ZFP69B: variants seen among roughly 807,000 people sequenced by gnomAD.
The protein encoded by ZFP69B is zinc finger protein 69 homolog B.
Under a neutral mutation model 19.7 loss-of-function variants are expected in ZFP69B, and 20 were observed. The observed-to-expected ratio is 1.02, with a 90% CI of 0.71 to 1.48. The LOEUF is 1.48. ZFP69B is among the 40% of genes most tolerant of loss of function. ZFP69B has a pLI of 0.00. For missense variants in ZFP69B, 583 were observed against 632.6 expected, an observed-to-expected ratio of 0.92 and a Z score of 0.84; for synonymous variants, 220 against 222.7, an observed-to-expected ratio of 0.99 and a Z score of 0.11.
At chr1:40,457,739 C>T (rs576284587) in intron 4 of ZFP69B, among the ~76,000 whole-genome samples, 3 of 152,298 alleles carry the variant, frequency 2.0e-5, no homozygotes, top group African/African-American at 7.2e-5. Flanking sequence ...AGTTTCTTTC[C>T]CATGTACATT....
chr1:40,454,485 G>A (rs909166993), intron 2 of ZFP69B, among the ~76,000 whole-genome samples, 197 bp downstream of exon 2: 5 of 151,840 alleles, frequency 3.3e-5, no homozygotes, highest in Admixed American at 6.6e-5. Flanking sequence ...TGCAAGCTCC[G>A]TCTCCTGGGT....
chr1:40,452,901 A>G (rs1256150486), intron 1 of ZFP69B, among the ~76,000 whole-genome samples: 1 of 152,016 alleles, frequency 6.6e-6, no homozygotes, highest in Non-Finnish European at 1.5e-5. Flanking sequence ...GTGGATGTAT[A>G]GATGTTCAAT....
In ZFP69B at chr1:40,454,199, C is replaced by T. The variant is rs563225302; in HGVS notation, c.128-4C>T. On this transcript the variant is annotated splice_polypyrimidine_tract_variant and splice_region_variant and intron_variant, in intron 1 of 4. Coordinates refer to ENST00000361584, the MANE Select transcript of ZFP69B (RefSeq NM_023070.3). ...CAAACCTCATGGCTCTTTTCCTTCC[C>T]CAGCTCTGCTGTCTCAGGATGCTGA... The T allele has an allele frequency of 2.6e-5, 42 of 1,592,100 alleles. No individual in the cohort carries two copies. Among genetic ancestry groups the T allele is most frequent in the Middle Eastern group, 3.4e-4 (2 of 5,944 alleles).
intron 4 of ZFP69B, among the ~76,000 whole-genome samples, chr1:40,457,689 T>G (rs1645246767): frequency 6.6e-6 from 1 of 152,238 alleles, no homozygotes; most frequent in Non-Finnish European, 1.5e-5. Flanking sequence ...TTCATGATTT[T>G]TACCTCTTTC....
intron 2 of ZFP69B, among the ~76,000 whole-genome samples, chr1:40,456,625 C>T (rs1233499728): frequency 2.0e-5 from 3 of 152,196 alleles, no homozygotes; most frequent in Admixed American, 1.3e-4. Flanking sequence ...GTGGCCTTAG[C>T]CCCTTCTGAA....
intron 4 of ZFP69B, among the ~76,000 whole-genome samples, chr1:40,457,789 T>C (rs1241317235): frequency 6.6e-6 from 1 of 152,216 alleles, no homozygotes; most frequent in Admixed American, 6.5e-5. Flanking sequence ...CACAGTCCAC[T>C]TCACTGGACT....
chr1:40,452,208 A>G (rs567599545), intron 1 of ZFP69B, among the ~76,000 whole-genome samples: 1 of 152,306 alleles, frequency 6.6e-6, no homozygotes, highest in South Asian at 2.1e-4. Context: ...GTTAATGGGG[A>G]ACAGATACTC....
rs373998803 is a variant in ZFP69B at position 40,463,160 on chromosome 1, A to T, written c.1176A>T (p.Thr392=). Residue 392 remains threonine, a synonymous_variant, in exon 5 of 5, where the codon ACA becomes ACT. Transcript: ENST00000361584. ...LRTHVREKPF[T]CKDCGKAFFQ... is the part of the protein sequence containing the mutation. ...CTCATGTTAGAGAGAAACCTTTTAC[A>T]TGCAAAGACTGTGGAAAAGCGTTTT... is the stretch of plus-strand genomic sequence containing the variant. 2 of 1,614,196 alleles carry T rather than the reference A, an allele frequency of 1.2e-6. No individual in the cohort carries two copies. Among genetic ancestry groups the T allele is most frequent in the South Asian group, 2.2e-5 (2 of 91,082 alleles).
chr1:40,463,640 G>A lies in ZFP69B; in HGVS notation c.*51G>A. On this transcript the variant is annotated 3_prime_UTR_variant, in exon 5 of 5. Transcript: ENST00000361584. ...TGTTGGAGCACAAGATTCTAAATCA[G>A]TGGTTCCCTGATCCCTCAAAAATCC... 3 of 1,468,598 alleles carry A rather than the reference G, an allele frequency of 2.0e-6. No homozygotes were observed. Among genetic ancestry groups the A allele is most frequent in the Non-Finnish European group, 2.7e-6 (3 of 1,091,414 alleles). The allele number at this position is 1,468,598 out of a possible 1,614,324, so 91.0% of individuals were successfully genotyped here.
Position 40,462,420 on chromosome 1 carries a change from G to A in ZFP69B, c.437-1G>A, listed in dbSNP as rs1645294035. ...ATCTTTTTTTTTATTATTTCTTTCA[G>A]ACTTGAAGAGCAAAACAAAAACCAA... is the stretch of plus-strand genomic sequence containing the variant. On this transcript the variant is annotated splice_acceptor_variant, in intron 4 of 4. Coordinates refer to ENST00000361584, the MANE Select transcript of ZFP69B (RefSeq NM_023070.3). LOFTEE classifies it high-confidence loss of function. The A allele has an allele frequency of 2.5e-6, 4 of 1,573,446 alleles. No homozygotes were observed. Among genetic ancestry groups the A allele is most frequent in the Non-Finnish European group, 3.4e-6 (4 of 1,166,626 alleles).
At chr1:40,454,088 T>A in intron 1 of ZFP69B, 115 bp from the exon 2 acceptor site, 1 of 611,344 alleles carries the variant, frequency 1.6e-6, no homozygotes, top group East Asian at 3.2e-5. Context: ...TCCGTCTAAA[T>A]GTCCCTGTTT....
intron 4 of ZFP69B, among the ~76,000 whole-genome samples, chr1:40,460,526 C>T (rs950547592): frequency 2.6e-5 from 4 of 152,010 alleles, no homozygotes; most frequent in African/African-American, 9.7e-5. Context: ...ACTTAATGTA[C>T]AGATATAAAA....
chr1:40,457,767 C>G (rs1434206100), intron 4 of ZFP69B, among the ~76,000 whole-genome samples: 1 of 152,196 alleles, frequency 6.6e-6, no homozygotes, highest in African/African-American at 2.4e-5. Flanking sequence ...ACACAGGTCT[C>G]TCCTCATTAA....
intron 4 of ZFP69B, among the ~76,000 whole-genome samples, chr1:40,458,002 A>C (rs1057250294): frequency 3.3e-5 from 5 of 152,216 alleles, no homozygotes; most frequent in Non-Finnish European, 7.4e-5. Flanking sequence ...GGCTTTTAAC[A>C]GTCTTCTTTA....
chr1:40,457,430 C>A lies in ZFP69B; in HGVS notation c.427C>A (p.Pro143Thr). Residue 143 changes from proline (P) to threonine (T), a missense_variant, in exon 4 of 5, where the codon CCA (proline) becomes ACA (threonine). By Grantham distance (38) the Pro-to-Thr change is conservative (BLOSUM62 -1). Transcript: ENST00000361584. Reference protein sequence around the residue: ...WLMERDISGVPSSDLKSKTKT... With the variant: ...WLMERDISGVTSSDLKSKTKT... ...GATGGAGAGAGATATTTCAGGAGTT[C>A]CAAGTTCAGGTAAGTGCAAGGCAGG... The A allele has an allele frequency of 6.2e-7, 1 of 1,613,998 alleles. No individual in the cohort carries two copies. The highest frequency in any genetic ancestry group is 8.5e-7 in the Non-Finnish European group (1 of 1,179,968).
intron 2 of ZFP69B, among the ~76,000 whole-genome samples, chr1:40,455,675 G>T (rs1188217048): frequency 1.3e-5 from 2 of 152,002 alleles, no homozygotes; most frequent in Admixed American, 6.6e-5. Flanking sequence ...TGTTACATAG[G>T]TATACATGTG....
intron 4 of ZFP69B, among the ~76,000 whole-genome samples, chr1:40,459,716 C>A (rs549378901): frequency 6.6e-6 from 1 of 152,028 alleles, no homozygotes; most frequent in South Asian, 2.1e-4. Context: ...TTGTTTTTAC[C>A]TTAAAAAGAA....
At chr1:40,457,850 A>G (rs572326196) in intron 4 of ZFP69B, among the ~76,000 whole-genome samples, 1 of 152,256 alleles carries the variant, frequency 6.6e-6, no homozygotes, top group East Asian at 1.9e-4. Context: ...TTTCATTTTC[A>G]ATATTTTTCT....
rs1645177716 is a variant in ZFP69B at position 40,450,741 on chromosome 1, C to T, written c.-221C>T. Reference sequence around the variant, plus strand: ...GATGGAGCTCAAGTTGGGAGATACGCCCTGAGAGCCGATGATAGACACAAG... The same window carrying T: ...GATGGAGCTCAAGTTGGGAGATACGTCCTGAGAGCCGATGATAGACACAAG... On this transcript the variant is annotated 5_prime_UTR_variant, in exon 1 of 5. Coordinates refer to ENST00000361584, the MANE Select transcript of ZFP69B (RefSeq NM_023070.3). 2.9e-6 allele frequency: 1 copy of T among 349,690 alleles called. No homozygotes were observed. The highest frequency in any genetic ancestry group is 4.9e-6 in the Non-Finnish European group (1 of 203,326). The allele number at this position is 349,690 out of a possible 1,614,324, so 21.7% of individuals were successfully genotyped here.
Sources: allele counts gnomAD v4.1 joint callset (sites outside exome capture counted in the v4.1 genomes callset), GRCh38; gene constraint gnomAD v4.1.1; transcripts MANE v1.5; gene names NCBI Gene and HGNC (gene_info 2026-07-23, HGNC 2026-07-21).